The following RAPGEF5 variants were observed in gnomAD, a reference collection of about 807,000 sequenced individuals.
RAPGEF5 encodes the protein M-Ras-regulated GEF.
In RAPGEF5, 65 loss-of-function variants were observed where a neutral mutation model predicts 125.2. The observed-to-expected ratio is 0.52, with a 90% confidence interval of 0.43 to 0.64. The LOEUF is 0.64. Among genes scored for constraint, RAPGEF5 ranks in the 30% least tolerant of loss-of-function variants. RAPGEF5 has a pLI of 0.00. For missense variants in RAPGEF5, 958 were observed against 1,048.1 expected (o/e 0.91, Z 1.19); for synonymous variants, 391 against 385.9 (o/e 1.01, Z -0.16).
intron 11 of RAPGEF5, among the ~76,000 whole-genome samples, chr7:22,184,222 A>G (rs1010632912): frequency 3.3e-5 from 5 of 152,240 alleles, no homozygotes; most frequent in Non-Finnish European, 7.3e-5. Flanking sequence ...TTATCGTAGT[A>G]AATTCTAACA....
chr7:22,125,778 T>G (rs766984511), intron 24 of RAPGEF5, 120 bp from the exon 25 acceptor site: 6 of 919,856 alleles, frequency 6.5e-6, no homozygotes, highest in Non-Finnish European at 8.8e-6. Flanking sequence ...AGAGAAGAAC[T>G]GTATTTGGAG....
intron 9 of RAPGEF5, among the ~76,000 whole-genome samples, chr7:22,198,520 A>C (rs1785204352): frequency 6.6e-6 from 1 of 152,236 alleles, no homozygotes; most frequent in Non-Finnish European, 1.5e-5. Context: ...AGATAATATA[A>C]GTATTTTGTG....
chr7:22,214,780 T>C (rs1339846123), intron 9 of RAPGEF5, among the ~76,000 whole-genome samples: 1 of 150,270 alleles, frequency 6.7e-6, no homozygotes, highest in Non-Finnish European at 1.5e-5. Context: ...ACTGCTGTGG[T>C]TCCGGTTACC....
intron 9 of RAPGEF5, among the ~76,000 whole-genome samples, chr7:22,204,065 G>A (rs965049370): frequency 6.6e-6 from 1 of 152,178 alleles, no homozygotes; most frequent in South Asian, 2.1e-4. Context: ...GTCCCGTGGG[G>A]TTTGAATAAT....
chr7:22,275,982 G>A (rs901407033), intron 6 of RAPGEF5, among the ~76,000 whole-genome samples: 3 of 152,174 alleles, frequency 2.0e-5, no homozygotes, highest in African/African-American at 7.2e-5. Flanking sequence ...AAGAGCAGGT[G>A]TATCTGTGTC....
Position 22,162,522 on chromosome 7 carries a change from G to C in RAPGEF5, c.1303C>G (p.Gln435Glu), listed in dbSNP as rs1210538383. Residue 435 changes from glutamine to glutamate, a missense_variant, in exon 13 of 26, where the codon CAA (glutamine) becomes GAA (glutamate). Transcript: ENST00000665637. ...ACGTCTGAGTTTTCCTCTTTGCCTT[G>C]ATACTTCTTAGCAGAATAGGTGCAA... Reference protein sequence around the residue: ...LLRHYSAKKYQGKEENSDVPR... With the variant: ...LLRHYSAKKYEGKEENSDVPR... The C allele has an allele frequency of 1.9e-6, 3 of 1,609,776 alleles. No homozygotes were observed. The highest frequency in any genetic ancestry group is 2.6e-6 in the Non-Finnish European group (3 of 1,176,368).
intron 6 of RAPGEF5, among the ~76,000 whole-genome samples, chr7:22,288,327 G>C (rs923420081): frequency 1.3e-5 from 2 of 152,056 alleles, no homozygotes; most frequent in African/African-American, 4.8e-5. Context: ...CTTGTCTCCA[G>C]ATGTTTCCTG....
At chr7:22,138,876 G>A (rs115765107) in intron 21 of RAPGEF5, among the ~76,000 whole-genome samples, 1,940 of 152,246 alleles carry the variant, frequency 0.013, 37 homozygotes, top group African/African-American at 0.044. Flanking sequence ...CCCTTGCCAA[G>A]CCATTTGTTT....
rs369718356 is a variant in RAPGEF5 at position 22,169,039 on chromosome 7, T to G, written c.1205-1891A>C. ...GTATCACACTGCAATATGTTAGCAA[T>G]CAGTAGTCTAACTTACTATTACTCT... is the stretch of plus-strand genomic sequence containing the variant. On this transcript the variant is annotated intron_variant, in intron 11 of 25. Coordinates refer to ENST00000665637, the MANE Select transcript of RAPGEF5 (RefSeq NM_012294.5). 5.3e-4 allele frequency among the ~76,000 whole-genome samples: 80 copies of G among 152,340 alleles called. 2 individuals carry two copies. In the South Asian group the frequency reaches 0.016, roughly 31 times the overall value.
intron 7 of RAPGEF5, among the ~76,000 whole-genome samples, chr7:22,243,844 T>A (rs1786402464): frequency 6.6e-6 from 1 of 152,216 alleles, no homozygotes; most frequent in Non-Finnish European, 1.5e-5. Context: ...TTAACTATAG[T>A]CACCGTGCTG....
intron 11 of RAPGEF5, among the ~76,000 whole-genome samples, chr7:22,188,019 T>G (rs186924207): frequency 1.4e-4 from 21 of 152,342 alleles, no homozygotes; most frequent in African/African-American, 4.8e-4. Flanking sequence ...ACAGATAAGC[T>G]ACACTGGTCT....
At chr7:22,214,660 C>T (rs1785591080) in intron 9 of RAPGEF5, among the ~76,000 whole-genome samples, 1 of 152,070 alleles carries the variant, frequency 6.6e-6, no homozygotes, top group African/African-American at 2.4e-5. Context: ...ACTGGGCAAG[C>T]ACCTTTTCTT....
At chr7:22,172,386 A>C (rs1448866667) in intron 11 of RAPGEF5, among the ~76,000 whole-genome samples, 1 of 152,110 alleles carries the variant, frequency 6.6e-6, no homozygotes, top group Non-Finnish European at 1.5e-5. Flanking sequence ...GGGCTCCCAA[A>C]GTTCTGGGAT....
At chr7:22,208,647 T>C (rs545060482) in intron 9 of RAPGEF5, among the ~76,000 whole-genome samples, 6 of 152,202 alleles carry the variant, frequency 3.9e-5, no homozygotes, top group Non-Finnish European at 7.3e-5. Context: ...TGCTGCCCAA[T>C]TCTTCCTTCT....
At chr7:22,306,801 TAA>T (rs887807700) in intron 5 of RAPGEF5, among the ~76,000 whole-genome samples, 8 of 152,198 alleles carry the variant, frequency 5.3e-5, no homozygotes, top group Admixed American at 5.2e-4. Context: ...CACCATTTAT[TAA>T]AGAGACTGTG....
chr7:22,354,815 A>T (rs564665672), intron 1 of RAPGEF5, among the ~76,000 whole-genome samples: 19 of 152,308 alleles, frequency 1.2e-4, no homozygotes, highest in African/African-American at 4.6e-4. Flanking sequence ...ATCAGCCTAC[A>T]CATTGATCTC....
At chr7:22,336,667 G>A (rs1784032723) in intron 1 of RAPGEF5, among the ~76,000 whole-genome samples, 1 of 152,140 alleles carries the variant, frequency 6.6e-6, no homozygotes, top group Admixed American at 6.5e-5. Flanking sequence ...AGAAGTTCGT[G>A]CCATTTGCAG....
At position 22,136,975 on chromosome 7, in the gene RAPGEF5, A is replaced by C. The variant is rs1414315363; in HGVS notation, c.2286T>G (p.Pro762=). 1 of 1,582,086 alleles carries C rather than the reference A, an allele frequency of 6.3e-7. No homozygotes were observed. Among genetic ancestry groups the C allele is most frequent in the Non-Finnish European group, 8.6e-7 (1 of 1,160,112 alleles). Residue 762 remains proline, a synonymous_variant, in exon 22 of 26, where the codon CCT becomes CCG. Coordinates refer to ENST00000665637, the MANE Select transcript of RAPGEF5 (RefSeq NM_012294.5). ...CAGAGAAAAGTTTCTTAAACTTCCC[A>C]GGGATTTTCTAAAAAACAAACACAA... ...SRLSQTWEKI[P]GKFKKLFSEL...
rs181099160 is a variant in RAPGEF5 at position 22,249,307 on chromosome 7, C to T, written c.796+17657G>A. Among the ~76,000 whole-genome samples the T allele has an allele frequency of 3.7e-4, 56 of 152,258 alleles. No individual in the cohort carries two copies. The East Asian group carries it at 7.9e-3, about 22-fold the overall frequency. ...CCCAGGTTTCAAGCAATTCTCCCACCTCAGCCTCCTGAGTAGCTACAGGCA... is the reference window on the plus strand; with the variant it reads ...CCCAGGTTTCAAGCAATTCTCCCACTTCAGCCTCCTGAGTAGCTACAGGCA... On this transcript the variant is annotated intron_variant, in intron 7 of 25. Transcript: ENST00000665637.
Sources: gnomAD v4.1 joint callset for allele counts (sites outside exome capture counted in the v4.1 genomes callset) on GRCh38, gnomAD v4.1.1 for gene constraint, MANE v1.5 for transcripts, NCBI Gene and HGNC (gene_info 2026-07-23, HGNC 2026-07-21) for gene names.